The following SIGLEC1 variants were observed in gnomAD, a reference collection of about 807,000 sequenced individuals.
SIGLEC1 encodes the protein sialic acid binding Ig like lectin 1.
A neutral mutation model predicts 148.0 loss-of-function variants in SIGLEC1; 132 were observed. That is an observed-to-expected ratio of 0.89 (90% CI 0.77 to 1.03). SIGLEC1 has a LOEUF of 1.03. Among genes scored for constraint, SIGLEC1 ranks in the 50% least tolerant of loss-of-function variants. The pLI, the probability that SIGLEC1 is intolerant of heterozygous loss-of-function variation, is 0.00. For synonymous variants in SIGLEC1, 945 were observed against 969.0 expected (o/e 0.98, Z 0.46); for missense variants, 2,253 against 2,271.4 (o/e 0.99, Z 0.16).
chr20:3,708,527 A>T (rs6115997), intron 1 of SIGLEC1, among the ~76,000 whole-genome samples: 29,983 of 152,096 alleles, frequency 0.2, 3,043 homozygotes, highest in East Asian at 0.35. Flanking sequence ...ACACTTTGGG[A>T]GGCTGAGGCA....
chr20:3,697,381 C>T (rs371989293), intron 9 of SIGLEC1, 39 bp from the exon 10 acceptor site: 81 of 1,607,696 alleles, frequency 5.0e-5, no homozygotes, highest in Non-Finnish European at 6.1e-5. Flanking sequence ...CCACCCCCGG[C>T]CCCCAGGAGC....
rs2088714506 is a variant in SIGLEC1 at position 3,687,873 on chromosome 20, G to A, written c.*687C>T. Reference sequence around the variant, plus strand: ...GTGACAATACTCCAGCCAATGGGAAGTGAGTGGAAAAGTCCTGTGCAGCTT... The same window carrying A: ...GTGACAATACTCCAGCCAATGGGAAATGAGTGGAAAAGTCCTGTGCAGCTT... On this transcript the variant is annotated 3_prime_UTR_variant, in exon 22 of 22. Coordinates refer to ENST00000344754, the MANE Select transcript of SIGLEC1 (RefSeq NM_023068.4). 6.5e-6 allele frequency: 1 copy of A among 153,470 alleles called. No individual in the cohort carries two copies. Among genetic ancestry groups the A allele is most frequent in the African/African-American group, 2.4e-5 (1 of 41,472 alleles). 9.5% of individuals were successfully genotyped at this position (153,470 alleles called of 1,614,324 possible). A position where few individuals can be genotyped will look rare whatever the true frequency, so the allele number is the denominator to read the frequency against.
rs1330383811 is a variant in SIGLEC1, at chr20:3,704,028, A to G, written c.770T>C (p.Leu257Pro). 2 of 1,613,366 alleles carry G rather than the reference A, an allele frequency of 1.2e-6. No individual in the cohort carries two copies. Among genetic ancestry groups the G allele is most frequent in the African/African-American group, 2.7e-5 (2 of 74,882 alleles). Residue 257 changes from leucine to proline, a missense_variant, in exon 5 of 22, where the codon CTG becomes CCG. By Grantham distance (98) the Leu-to-Pro change is moderately conservative. Coordinates refer to ENST00000344754, the MANE Select transcript of SIGLEC1 (RefSeq NM_023068.4). Reference sequence around the variant, plus strand: ...GTTCACCTGGCAGGTGAGTGTGACCAGCTCACCTGGAAGGATGTTCCTCCC... The same window carrying G: ...GTTCACCTGGCAGGTGAGTGTGACCGGCTCACCTGGAAGGATGTTCCTCCC... ...PSGRNILPGE[L>P]VTLTCQVNSS... is the part of the protein sequence containing the mutation.
intron 20 of SIGLEC1, 98 bp from the exon 21 acceptor site, chr20:3,689,325 G>C: frequency 1.9e-6 from 2 of 1,074,152 alleles, no homozygotes; most frequent in Non-Finnish European, 1.4e-6. Flanking sequence ...GACCACAAGA[G>C]CGTGGGAACC....
Position 3,697,982 on chromosome 20 carries a change from G to C in SIGLEC1, c.1938C>G (p.Ser646=). The change falls in exon 9 of 22, where the codon TCC becomes TCG. Residue 646 remains serine (S), a synonymous_variant. Coordinates refer to ENST00000344754, the MANE Select transcript of SIGLEC1 (RefSeq NM_023068.4). ...TGCTGCAGCCACCCCCTGATGGCAG[G>C]GAAGTGGCCACAACACGGTCCTTGT... ...LLHKDRVVAT[S]LPSGGGCSTC... 3 of 1,611,834 alleles carry C rather than the reference G, an allele frequency of 1.9e-6. No individual in the cohort carries two copies. Among genetic ancestry groups the C allele is most frequent in the East Asian group, 2.2e-5 (1 of 44,844 alleles).
At chr20:3,706,927 G>GCAGCTTCCTGCCCAGCT (rs1316500178) in intron 2 of SIGLEC1, among the ~76,000 whole-genome samples, 153 bp downstream of exon 2, 1 of 152,212 alleles carries the variant, frequency 6.6e-6, no homozygotes, top group African/African-American at 2.4e-5. Flanking sequence ...AAGACAGATG[G>GCAGCTTCCTGCCCAGCT]CAGCTTCCTG....
At chr20:3,707,542 G>C (rs2087905632) in intron 1 of SIGLEC1, among the ~76,000 whole-genome samples, 1 of 151,988 alleles carries the variant, frequency 6.6e-6, no homozygotes, top group Admixed American at 6.6e-5. Context: ...ACAGGAACTG[G>C]AGCCCAGAGA....
chr20:3,703,500 C>A (rs535349188), intron 5 of SIGLEC1, 49 bp from the exon 6 acceptor site: 20 of 1,538,268 alleles, frequency 1.3e-5, no homozygotes, highest in East Asian at 9.0e-5. Flanking sequence ...CAACTTCCAG[C>A]CCCAGCCCCA....
intron 20 of SIGLEC1, 22 bp from the exon 21 acceptor site, chr20:3,689,249 C>A (rs2088730420): frequency 3.1e-6 from 5 of 1,601,076 alleles, no homozygotes; most frequent in Non-Finnish European, 3.4e-6. Context: ...GGAGTGGACT[C>A]AGAGAGCCTC....
chr20:3,690,325 T>C (rs1258249877), intron 18 of SIGLEC1, 61 bp from the exon 19 acceptor site: 3 of 1,388,298 alleles, frequency 2.2e-6, no homozygotes, highest in Non-Finnish European at 2.9e-6. Flanking sequence ...TCCCTCCCTG[T>C]ACCCATGCAC....
In SIGLEC1 at chr20:3,692,520, C is replaced by T. The variant is rs764629371; in HGVS notation, c.4030+1G>A. On this transcript the variant is annotated splice_donor_variant, in intron 16 of 21. Coordinates refer to ENST00000344754, the MANE Select transcript of SIGLEC1 (RefSeq NM_023068.4). LOFTEE classifies it high-confidence loss of function. ...GCCCTGGCCAAGGACCCTCTGCTCA[C>T]AGAGGACTTGCAGGGCAGCAGGACG... 1.9e-6 allele frequency: 3 copies of T among 1,588,488 alleles called. No individual in the cohort carries two copies. The African/African-American group carries it at 4.0e-5, about 21-fold the overall frequency.
intron 1 of SIGLEC1, among the ~76,000 whole-genome samples, chr20:3,711,935 G>A (rs911469166): frequency 2.0e-5 from 3 of 152,038 alleles, no homozygotes; most frequent in African/African-American, 7.3e-5. Flanking sequence ...TCAGGGTGAT[G>A]ATCAGGTTGG....
rs200631809 is a variant in SIGLEC1, at chr20:3,690,824, C to CTTTTTTTTTTTTTTTTTTTTTT, written c.4591+515_4591+516insAAAAAAAAAAAAAAAAAAAAAA. Among the ~76,000 whole-genome samples the CTTTTTTTTTTTTTTTTTTTTTT allele has an allele frequency of 1.9e-4, 24 of 126,872 alleles. 6 individuals carry two copies. Among genetic ancestry groups the CTTTTTTTTTTTTTTTTTTTTTT allele is most frequent in the African/African-American group, 7.4e-4 (22 of 29,910 alleles). The allele number at this position is 126,872 out of a possible 152,430, so 83.2% of individuals were successfully genotyped here. On this transcript the variant is annotated intron_variant, in intron 18 of 21. Coordinates refer to ENST00000344754, the MANE Select transcript of SIGLEC1 (RefSeq NM_023068.4). ...TTCTTTTGGTTTTTTCTCTTCTTTT[C>CTTTTTTTTTTTTTTTTTTTTTT]TTTTCTTTTTTTTTTTTTTTTCTTG... is the stretch of plus-strand genomic sequence containing the variant.
At chr20:3,701,074 A>T (rs2087847242) in intron 7 of SIGLEC1, among the ~76,000 whole-genome samples, 1 of 152,186 alleles carries the variant, frequency 6.6e-6, no homozygotes, top group African/African-American at 2.4e-5. Context: ...TTTCATAATT[A>T]AAAAACAATG....
At chr20:3,709,293 G>T (rs1374140085) in intron 1 of SIGLEC1, among the ~76,000 whole-genome samples, 1 of 152,086 alleles carries the variant, frequency 6.6e-6, no homozygotes, top group Non-Finnish European at 1.5e-5. Context: ...TATATAACTG[G>T]CTGATAAGGA....
chr20:3,689,635 G>A lies in SIGLEC1; in HGVS notation c.4962C>T (p.Leu1654=). The stretch of plus-strand genomic sequence containing the variant: ...AGCAGGCCCCCAGGCCCAACAGCAG[G>A]AGCAGGAGGCCCACCAGCAGTCCCA... ...WVLGLLVGLL[L]LLLGLGACYT... Residue 1654 remains leucine (L), a synonymous_variant, in exon 20 of 22, where the codon CTC becomes CTT. Transcript: ENST00000344754. The A allele has an allele frequency of 1.3e-6, 2 of 1,589,684 alleles. No homozygotes were observed. The highest frequency in any genetic ancestry group is 1.7e-6 in the Non-Finnish European group (2 of 1,168,398).
At chr20:3,696,991 C>T (rs2087806711) in intron 10 of SIGLEC1, 94 bp downstream of exon 10, 24 of 1,550,208 alleles carry the variant, frequency 1.5e-5, no homozygotes, top group Middle Eastern at 2.3e-4. Context: ...CTAAGCCATG[C>T]TCTTTCCTCC....
At chr20:3,701,803 G>A (rs777906579) in intron 6 of SIGLEC1, among the ~76,000 whole-genome samples, 162 bp from the exon 7 acceptor site, 10 of 152,186 alleles carry the variant, frequency 6.6e-5, no homozygotes, top group Non-Finnish European at 1.5e-4. Flanking sequence ...TTTTGTCCTT[G>A]GCTGGGCTGG....
rs767716739 is a variant in SIGLEC1, at chr20:3,706,315, C to G, written c.409+32G>C. 10 of 1,581,918 alleles carry G rather than the reference C, an allele frequency of 6.3e-6. No homozygotes were observed. The South Asian group carries it at 1.1e-4, about 18-fold the overall frequency. On this transcript the variant is annotated intron_variant, in intron 3 of 21. Coordinates refer to ENST00000344754, the MANE Select transcript of SIGLEC1 (RefSeq NM_023068.4). The stretch of plus-strand genomic sequence containing the variant: ...TCCAGAAGCAGCTTGGGAATCCCTC[C>G]CGGGGGGCAGCCAGGCCACCCCACT...
Sources: allele counts gnomAD v4.1 joint callset (sites outside exome capture counted in the v4.1 genomes callset), GRCh38; gene constraint gnomAD v4.1.1; transcripts MANE v1.5; gene names NCBI Gene and HGNC (gene_info 2026-07-23, HGNC 2026-07-21).